PTPRK: variants seen among roughly 807,000 people sequenced by gnomAD.
The protein encoded by PTPRK is receptor-type tyrosine-protein phosphatase kappa.
In PTPRK, 75 loss-of-function variants were observed where a neutral mutation model predicts 178.0. The observed-to-expected ratio is 0.42, with a 90% CI of 0.35 to 0.51. The LOEUF is 0.51. Ranked by LOEUF, PTPRK falls within the 20% of genes least tolerant of loss-of-function variation. The pLI is 0.02. For missense variants in PTPRK, 1,441 were observed against 1,797.8 expected, an observed-to-expected ratio of 0.80 and a Z score of 3.59; for synonymous variants, 637 against 620.6, an observed-to-expected ratio of 1.03 and a Z score of -0.39.
At chr6:128,383,504 C>G (rs540441451) in intron 2 of PTPRK, among the ~76,000 whole-genome samples, 9 of 152,166 alleles carry the variant, frequency 5.9e-5, no homozygotes, top group African/African-American at 2.2e-4. Flanking sequence ...AAATCATTTT[C>G]TAAAATATTC....
At chr6:128,026,139 T>C (rs531801168) in intron 13 of PTPRK, among the ~76,000 whole-genome samples, 31 of 152,278 alleles carry the variant, frequency 2.0e-4, no homozygotes, top group Admixed American at 6.5e-5. Flanking sequence ...TTGAGTGGTA[T>C]TGAACAAAAT....
chr6:128,392,315 A>G (rs565048968), intron 2 of PTPRK, among the ~76,000 whole-genome samples: 1 of 152,326 alleles, frequency 6.6e-6, no homozygotes, highest in African/African-American at 2.4e-5. Flanking sequence ...AGAACTCTGT[A>G]CAGTTATTTT....
At chr6:128,259,746 A>G (rs1817894249) in intron 3 of PTPRK, among the ~76,000 whole-genome samples, 1 of 152,184 alleles carries the variant, frequency 6.6e-6, no homozygotes, top group Non-Finnish European at 1.5e-5. Context: ...TCCCTAGGAA[A>G]GGGCCATAAA....
chr6:127,984,875 T>C (rs1775757481), intron 22 of PTPRK, among the ~76,000 whole-genome samples: 2 of 152,190 alleles, frequency 1.3e-5, no homozygotes, highest in South Asian at 2.1e-4. Flanking sequence ...TCAGGGTACA[T>C]AGTATCTGAT....
At chr6:128,315,262 G>A (rs1827842042) in intron 3 of PTPRK, among the ~76,000 whole-genome samples, 1 of 151,958 alleles carries the variant, frequency 6.6e-6, no homozygotes, top group South Asian at 2.1e-4. Context: ...CTTGTCTCTA[G>A]GTACTAGACA....
intron 1 of PTPRK, among the ~76,000 whole-genome samples, chr6:128,409,999 C>CA (rs1225641399): frequency 6.6e-6 from 1 of 152,100 alleles, no homozygotes; most frequent in African/African-American, 2.4e-5. Flanking sequence ...AAATACCATC[C>CA]AGGGTCAAGT....
Position 128,053,297 on chromosome 6 carries a change from G to A in PTPRK, c.2194+11461C>T, listed in dbSNP as rs146972668. On this transcript the variant is annotated intron_variant, in intron 13 of 29. Coordinates refer to ENST00000368226, the MANE Select transcript of PTPRK (RefSeq NM_002844.4). The stretch of plus-strand genomic sequence containing the variant: ...GTCACCTCCTTCCCTGTGCGGCTGT[G>A]CTCCTCACTCCATGCAGACTCAGGC... Among the ~76,000 whole-genome samples the A allele has an allele frequency of 2.0e-4, 31 of 152,018 alleles. 1 individual carries two copies. In the East Asian group the frequency reaches 4.8e-3, roughly 24 times the overall value.
rs139166417 is a variant in PTPRK, at chr6:128,073,121, T to C, written c.1884-5329A>G. ...GTTTTTTAGGTATATGTCTTTCCTT[T>C]AGCAGATGATAAGCTTACTACAGAA... On this transcript the variant is annotated intron_variant, in intron 11 of 29. Coordinates refer to ENST00000368226, the MANE Select transcript of PTPRK (RefSeq NM_002844.4). Among the ~76,000 whole-genome samples, 546 of 152,232 alleles carry C rather than the reference T, an allele frequency of 3.6e-3. 3 individuals carry two copies. Among genetic ancestry groups the C allele is most frequent in the African/African-American group, 0.012 (515 of 41,566 alleles).
intron 3 of PTPRK, among the ~76,000 whole-genome samples, chr6:128,247,924 C>T (rs1815773691): frequency 6.6e-6 from 1 of 152,090 alleles, no homozygotes; most frequent in Admixed American, 6.6e-5. Flanking sequence ...TCCTATAAAC[C>T]TCCTTAAATT....
At chr6:128,256,286 C>T (rs1817293873) in intron 3 of PTPRK, among the ~76,000 whole-genome samples, 1 of 152,140 alleles carries the variant, frequency 6.6e-6, no homozygotes, top group Non-Finnish European at 1.5e-5. Context: ...TTTGAAACAT[C>T]CTTCATTAAC....
intron 3 of PTPRK, among the ~76,000 whole-genome samples, chr6:128,305,663 T>G (rs1562251138): frequency 6.6e-6 from 1 of 152,248 alleles, no homozygotes; most frequent in Admixed American, 6.5e-5. Flanking sequence ...ATACAGATTC[T>G]GTCAATTATT....
At chr6:128,025,330 G>A (rs1582569505) in intron 13 of PTPRK, among the ~76,000 whole-genome samples, 1 of 152,140 alleles carries the variant, frequency 6.6e-6, no homozygotes, top group Non-Finnish European at 1.5e-5. Flanking sequence ...TATTTCAGCT[G>A]AACCTGAAAG....
At chr6:128,445,166 C>A (rs2128402332) in intron 1 of PTPRK, among the ~76,000 whole-genome samples, 1 of 129,828 alleles carries the variant, frequency 7.7e-6, no homozygotes, top group African/African-American at 3.2e-5. Context: ...ACCAGCTGAG[C>A]AAAATAGCAA....
intron 13 of PTPRK, among the ~76,000 whole-genome samples, chr6:128,022,300 CG>C (rs1773636936): frequency 1.3e-5 from 2 of 152,026 alleles, no homozygotes; most frequent in Non-Finnish European, 2.9e-5. Context: ...TAAAACACTG[CG>C]TGTGTTGGTA....
intron 7 of PTPRK, 117 bp downstream of exon 7, chr6:128,184,315 C>G: frequency 9.3e-7 from 1 of 1,070,524 alleles, no homozygotes. Context: ...CATTGGAACT[C>G]TTAATAGTGT....
chr6:128,433,933 T>A (rs1303081107), intron 1 of PTPRK, among the ~76,000 whole-genome samples: 1 of 149,502 alleles, frequency 6.7e-6, no homozygotes, highest in East Asian at 2.0e-4. Flanking sequence ...CCAAAAGCCA[T>A]AAAGAAAAGA....
intron 6 of PTPRK, among the ~76,000 whole-genome samples, chr6:128,205,374 G>A (rs1392612110): frequency 6.6e-6 from 1 of 152,006 alleles, no homozygotes; most frequent in Non-Finnish European, 1.5e-5. Flanking sequence ...ACACATTTAT[G>A]TATGTAACAA....
At chr6:128,107,941 C>A (rs2114312924) in intron 7 of PTPRK, among the ~76,000 whole-genome samples, 1 of 152,204 alleles carries the variant, frequency 6.6e-6, no homozygotes, top group South Asian at 2.1e-4. Context: ...AATCATATTT[C>A]TTTTCATTTG....
intron 5 of PTPRK, among the ~76,000 whole-genome samples, chr6:128,225,463 GA>G (rs1811124632): frequency 6.6e-6 from 1 of 152,084 alleles, no homozygotes; most frequent in African/African-American, 2.4e-5. Flanking sequence ...TAATCCCAAG[GA>G]ACTGAGAGTT....
Sources: gnomAD v4.1 joint callset for allele counts (sites outside exome capture counted in the v4.1 genomes callset) on GRCh38, gnomAD v4.1.1 for gene constraint, MANE v1.5 for transcripts, NCBI Gene and HGNC (gene_info 2026-07-23, HGNC 2026-07-21) for gene names.